The following ITPR1 variants were observed in gnomAD, a reference collection of about 807,000 sequenced individuals.
The protein encoded by ITPR1 is inositol 1,4,5-trisphosphate-gated calcium channel ITPR1.
A neutral mutation model predicts 318.4 loss-of-function variants in ITPR1; 96 were observed. The observed-to-expected ratio is 0.30, with a 90% confidence interval of 0.26 to 0.36. The LOEUF (loss-of-function observed/expected upper bound fraction) is 0.36. Ranked by LOEUF, ITPR1 falls within the 10% of genes least tolerant of loss-of-function variation. The pLI, the probability that ITPR1 is intolerant of heterozygous loss-of-function variation, is 1.00. For synonymous variants in ITPR1, 1,312 were observed against 1,289.9 expected, an observed-to-expected ratio of 1.02 and a Z score of -0.37; for missense variants, 2,440 against 3,460.2, an observed-to-expected ratio of 0.71 and a Z score of 7.40.
chr3:4,615,501 C>T (rs1232422621), intron 4 of ITPR1, among the ~76,000 whole-genome samples: 2 of 151,834 alleles, frequency 1.3e-5, no homozygotes, highest in African/African-American at 4.8e-5. Flanking sequence ...CTCAGCCTCC[C>T]GAGTAACTGG....
intron 4 of ITPR1, among the ~76,000 whole-genome samples, chr3:4,585,031 A>C (rs1493115): frequency 0.78 from 119,294 of 152,164 alleles, 47,859 homozygotes; most frequent in South Asian, 0.88. Flanking sequence ...TACCCACGTC[A>C]GTGAGAGCTG....
Position 4,675,068 on chromosome 3 carries a change from G to A in ITPR1, c.2599G>A (p.Val867Ile). ...TTCTTCTTTTATTTTAATACAATAG[G>A]TTGTAAATTTAGCTAGGAATCTCAT... ...DKEKNKLTFE[V>I]VNLARNLIYF... is the part of the protein sequence containing the mutation. The change falls in exon 23 of 62, where the codon GTT (valine) becomes ATT (isoleucine). Residue 867 changes from valine to isoleucine, a missense_variant and splice_region_variant. By Grantham distance (29) the Val-to-Ile change is conservative (BLOSUM62 3). Around this residue, in one of 23 missense-constraint regions of ITPR1, gnomAD observed 478 missense variants for 696.3 expected, o/e 0.69. Transcript: ENST00000649015. 4 of 1,501,596 alleles carry A rather than the reference G, an allele frequency of 2.7e-6. No homozygotes were observed. Among genetic ancestry groups the A allele is most frequent in the Non-Finnish European group, 3.7e-6 (4 of 1,080,772 alleles). The allele number at this position is 1,501,596 out of a possible 1,614,324, so 93.0% of individuals were successfully genotyped here. A position where few individuals can be genotyped will look rare whatever the true frequency, so the allele number is the denominator to read the frequency against.
rs375298682 is a variant in ITPR1, at chr3:4,700,358, C to G, written c.4536+417C>G. On this transcript the variant is annotated intron_variant, in intron 35 of 61. Transcript: ENST00000649015. ...AGTTATGCCTTACATGCATGGTCATCTCATATACTACTCTATCCCTTGTAC... is the reference window on the plus strand; with the variant it reads ...AGTTATGCCTTACATGCATGGTCATGTCATATACTACTCTATCCCTTGTAC... 4.6e-5 allele frequency among the ~76,000 whole-genome samples: 7 copies of G among 152,210 alleles called. 1 individual carries two copies. Among genetic ancestry groups the G allele is most frequent in the Admixed American group, 4.6e-4 (7 of 15,288 alleles).
At chr3:4,688,402 T>C (rs779686534) in intron 30 of ITPR1, 93 bp from the exon 31 acceptor site, 67 of 1,495,838 alleles carry the variant, frequency 4.5e-5, no homozygotes, top group Non-Finnish European at 5.5e-5. Context: ...GCAAACACCT[T>C]CTGACTCCCA....
intron 12 of ITPR1, among the ~76,000 whole-genome samples, chr3:4,654,326 C>T (rs2093658416): frequency 6.6e-6 from 1 of 152,144 alleles, no homozygotes; most frequent in Non-Finnish European, 1.5e-5. Context: ...ACACATGAGG[C>T]TTAGTGCACC....
At chr3:4,608,727 C>T (rs985177398) in intron 4 of ITPR1, among the ~76,000 whole-genome samples, 2 of 152,082 alleles carry the variant, frequency 1.3e-5, no homozygotes. Flanking sequence ...GGTGCCCGGG[C>T]ACGGTGGCTC....
intron 44 of ITPR1, among the ~76,000 whole-genome samples, chr3:4,743,366 C>T (rs1394662404): frequency 6.6e-6 from 1 of 152,226 alleles, no homozygotes; most frequent in Non-Finnish European, 1.5e-5. Flanking sequence ...TTGAGTGAGC[C>T]CTCCTGCAGA....
chr3:4,516,716 ACCAAATCTCATGTTAG>A (rs2082198740), intron 3 of ITPR1, 133 bp downstream of exon 3: 1 of 672,780 alleles, frequency 1.5e-6, no homozygotes, highest in Non-Finnish European at 2.6e-6. Flanking sequence ...AATCACAAAC[ACCAAATCTCATGTTAG>A]CCAAGTTTAA....
At chr3:4,645,201 T>C (rs937365264) in intron 8 of ITPR1, among the ~76,000 whole-genome samples, 186 bp from the exon 9 acceptor site, 1 of 152,166 alleles carries the variant, frequency 6.6e-6, no homozygotes, top group Non-Finnish European at 1.5e-5. Flanking sequence ...AATGAACCAT[T>C]TATTTCCAAA....
At chr3:4,653,627 G>T (rs2093643541) in intron 11 of ITPR1, among the ~76,000 whole-genome samples, 1 of 152,056 alleles carries the variant, frequency 6.6e-6, no homozygotes, top group South Asian at 2.1e-4. Context: ...GTCTATACTT[G>T]AGAGCCGTCT....
At position 4,645,419 on chromosome 3, in the gene ITPR1, A is replaced by G; in HGVS notation, c.657A>G (p.Lys219=). The G allele has an allele frequency of 1.2e-6, 2 of 1,613,734 alleles. No individual in the cohort carries two copies. The highest frequency in any genetic ancestry group is 1.7e-6 in the Non-Finnish European group (2 of 1,179,680). ...CCGTCAACTGCAATACAAGCTGGAAAATAGTCCTTTTCATGAAATGGAGTG... is the reference window on the plus strand; with the variant it reads ...CCGTCAACTGCAATACAAGCTGGAAGATAGTCCTTTTCATGAAATGGAGTG... ...VNSVNCNTSW[K]IVLFMKWSDN... The change falls in exon 9 of 62, where the codon AAA becomes AAG. Residue 219 remains lysine (K), a synonymous_variant. Coordinates refer to ENST00000649015, the MANE Select transcript of ITPR1 (RefSeq NM_001378452.1).
chr3:4,813,763 TACAA>T (rs1181465994), intron 57 of ITPR1, among the ~76,000 whole-genome samples: 2 of 152,130 alleles, frequency 1.3e-5, no homozygotes, highest in African/African-American at 2.4e-5. Flanking sequence ...AAGCCACAGA[TACAA>T]ACAAAGGGCT....
intron 40 of ITPR1, among the ~76,000 whole-genome samples, chr3:4,722,021 C>T (rs554503474): frequency 6.6e-6 from 1 of 152,306 alleles, no homozygotes; most frequent in South Asian, 2.1e-4. Context: ...GTGAGTAGAT[C>T]AGTGTCGCAT....
chr3:4,546,970 G>A (rs1266468434), intron 4 of ITPR1, among the ~76,000 whole-genome samples: 2 of 152,118 alleles, frequency 1.3e-5, no homozygotes, highest in Non-Finnish European at 2.9e-5. Flanking sequence ...CCAGTCTTTG[G>A]TTTGTCCCTG....
At chr3:4,599,979 C>T (rs2125080395) in intron 4 of ITPR1, among the ~76,000 whole-genome samples, 1 of 152,310 alleles carries the variant, frequency 6.6e-6, no homozygotes, top group African/African-American at 2.4e-5. Context: ...CTACTCCCTC[C>T]TTCCTACACT....
intron 36 of ITPR1, among the ~76,000 whole-genome samples, chr3:4,704,063 G>A (rs1022935615): frequency 1.4e-4 from 21 of 152,252 alleles, no homozygotes; most frequent in African/African-American, 4.6e-4. Flanking sequence ...TTGGGTCCAC[G>A]TGGATGTAAA....
intron 30 of ITPR1, 100 bp downstream of exon 30, chr3:4,685,306 A>C (rs1267837128): frequency 8.2e-7 from 1 of 1,215,152 alleles, no homozygotes; most frequent in Admixed American, 2.8e-5. Context: ...GAAGAAATGC[A>C]TCCAGTGTGA....
At chr3:4,644,519 T>G (rs2093411110) in intron 8 of ITPR1, among the ~76,000 whole-genome samples, 1 of 152,184 alleles carries the variant, frequency 6.6e-6, no homozygotes, top group Non-Finnish European at 1.5e-5. Context: ...GATGAACCCT[T>G]TTACTAATTT....
intron 4 of ITPR1, among the ~76,000 whole-genome samples, chr3:4,588,846 G>C (rs1008507630): frequency 2.0e-5 from 3 of 152,100 alleles, no homozygotes; most frequent in Admixed American, 6.6e-5. Context: ...GTAGTGTCTT[G>C]ATTTCTCTCC....
Sources: allele counts gnomAD v4.1 joint callset (sites outside exome capture counted in the v4.1 genomes callset), GRCh38; gene constraint gnomAD v4.1.1; regional missense constraint gnomAD v4.1.1; transcripts MANE v1.5; gene names NCBI Gene and HGNC (gene_info 2026-07-23, HGNC 2026-07-21).